Variants in RNF207 observed in about 807,000 individuals in gnomAD.
RNF207 encodes OTTHUMG00000001089.
A neutral mutation model predicts 79.0 loss-of-function variants in RNF207; 72 were observed. That is an observed-to-expected ratio of 0.91 (90% confidence interval 0.75 to 1.11). The LOEUF (loss-of-function observed/expected upper bound fraction) is 1.11, where lower values mean the gene tolerates loss of function less well. Ranked by LOEUF, RNF207 falls within the 50% of genes least tolerant of loss-of-function variation. RNF207 has a pLI of 0.00. For missense variants in RNF207, 936 were observed against 855.8 expected, an observed-to-expected ratio of 1.09 and a Z score of -1.17; for synonymous variants, 348 against 366.2, an observed-to-expected ratio of 0.95 and a Z score of 0.57.
chr1:6,219,708 G>A lies in RNF207; in HGVS notation c.*301G>A, dbSNP rs1557596581. The A allele has an allele frequency of 5.8e-6, 1 of 171,730 alleles. No homozygotes were observed. Among genetic ancestry groups the A allele is most frequent in the Non-Finnish European group, 1.2e-5 (1 of 80,544 alleles). 10.6% of individuals were successfully genotyped at this position (171,730 alleles called of 1,614,324 possible). ...GGGGTTTCACCATGTTGGCCAGGCT[G>A]GTCTCAAACGCCAGACCTCAGGTGA... On this transcript the variant is annotated 3_prime_UTR_variant, in exon 18 of 18. Transcript: ENST00000377939.
chr1:6,211,090 G>A lies in RNF207; in HGVS notation c.1081G>A (p.Val361Met). ...EPLLLLGPRR[V>M]AAAASGANTL... ...ACTGCTGCTGCTGGGGCCACGTCGGGTGGCAGCTGCTGCAAGTGGTGCTAA... is the reference window on the plus strand; with the variant it reads ...ACTGCTGCTGCTGGGGCCACGTCGGATGGCAGCTGCTGCAAGTGGTGCTAA... Residue 361 changes from valine (V) to methionine (M), a missense_variant, in exon 12 of 18, where the codon GTG becomes ATG. Transcript: ENST00000377939. This position sits in a 1 kb window ranked among gnomAD's most constrained non-coding sequence, Gnocchi z 4.2. The A allele has an allele frequency of 6.2e-7, 1 of 1,601,920 alleles. No homozygotes were observed.
Position 6,206,304 on chromosome 1 carries a change from T to G in RNF207, c.-1+2T>G, listed in dbSNP as rs1667894940. The G allele has an allele frequency of 2.2e-6, 1 of 464,278 alleles. No homozygotes were observed. The allele number at this position is 464,278 out of a possible 1,614,324, so 28.8% of individuals were successfully genotyped here. On this transcript the variant is annotated splice_donor_variant, in intron 1 of 17. Coordinates refer to ENST00000377939, the MANE Select transcript of RNF207 (RefSeq NM_207396.3). LOFTEE classifies it low-confidence loss of function (5UTR_SPLICE). The stretch of plus-strand genomic sequence containing the variant: ...GCTCCCAGCAAAGCGGCCCAGCGGG[T>G]AGGTACAAGGCCCCGCCCCTCGCCA...
At chr1:6,209,774 C>T (rs1387108960) in intron 7 of RNF207, 150 bp from the exon 8 acceptor site, 14 of 968,550 alleles carry the variant, frequency 1.4e-5, no homozygotes, top group Non-Finnish European at 1.8e-5. Context: ...GGTGACGGGA[C>T]CCAAGCCCTC....
chr1:6,212,470 C>T, intron 14 of RNF207, 54 bp downstream of exon 14: 3 of 1,514,672 alleles, frequency 2.0e-6, no homozygotes, highest in African/African-American at 1.4e-5. Context: ...GATACCTGGG[C>T]TACCCTAAGA....
At chr1:6,219,144 C>A in intron 17 of RNF207, 92 bp from the exon 18 acceptor site, 1 of 1,170,036 alleles carries the variant, frequency 8.5e-7, no homozygotes, top group South Asian at 1.8e-5. Context: ...GGAAGACGTT[C>A]CATTCTGAGT....
chr1:6,219,164 C>T (rs893085646), intron 17 of RNF207, 72 bp from the exon 18 acceptor site: 50 of 1,414,828 alleles, frequency 3.5e-5, no homozygotes, highest in Non-Finnish European at 4.8e-5. Flanking sequence ...TGCTTTGGCC[C>T]AAGTGGATTT....
In RNF207 at chr1:6,207,232, C is replaced by G. The variant is rs1252170734; in HGVS notation, c.192-147C>G. 2 of 773,128 alleles carry G rather than the reference C, an allele frequency of 2.6e-6. No individual in the cohort carries two copies. The highest frequency in any genetic ancestry group is 3.9e-6 in the Non-Finnish European group (2 of 509,522). The allele number at this position is 773,128 out of a possible 1,614,324, so 47.9% of individuals were successfully genotyped here. A position where few individuals can be genotyped will look rare whatever the true frequency, so the allele number is the denominator to read the frequency against. On this transcript the variant is annotated intron_variant, in intron 2 of 17. Coordinates refer to ENST00000377939, the MANE Select transcript of RNF207 (RefSeq NM_207396.3). This position sits in a 1 kb window ranked among gnomAD's most constrained non-coding sequence, Gnocchi z 4.5. Reference sequence around the variant, plus strand: ...GGGACCAGGGCAGGGTGAGTGCTGGCTGTGATATTTATAGCAGACCCCAGA... The same window carrying G: ...GGGACCAGGGCAGGGTGAGTGCTGGGTGTGATATTTATAGCAGACCCCAGA...
chr1:6,207,662 C>A lies in RNF207; in HGVS notation c.324+151C>A. 1 of 856,020 alleles carries A rather than the reference C, an allele frequency of 1.2e-6. No individual in the cohort carries two copies. Among genetic ancestry groups the A allele is most frequent in the Non-Finnish European group, 1.9e-6 (1 of 525,300 alleles). The allele number at this position is 856,020 out of a possible 1,614,324, so 53.0% of individuals were successfully genotyped here. A position where few individuals can be genotyped will look rare whatever the true frequency, so the allele number is the denominator to read the frequency against. On this transcript the variant is annotated intron_variant, in intron 3 of 17. Coordinates refer to ENST00000377939, the MANE Select transcript of RNF207 (RefSeq NM_207396.3). This position sits in a 1 kb window ranked among gnomAD's most constrained non-coding sequence, Gnocchi z 4.5. ...AGGGCACCTTGGCCCCAAATGTGAA[C>A]CCCATTATACCGGTGGGGAGACTGA... is the stretch of plus-strand genomic sequence containing the variant.
rs977623114 is a variant in RNF207, at chr1:6,211,521, C to T, written c.1110-346C>T. 6.6e-6 allele frequency among the ~76,000 whole-genome samples: 1 copy of T among 152,136 alleles called. No individual in the cohort carries two copies. The highest frequency in any genetic ancestry group is 1.5e-5 in the Non-Finnish European group (1 of 68,014). On this transcript the variant is annotated intron_variant, in intron 12 of 17. Transcript: ENST00000377939. The surrounding 1 kb of genome is among the most constrained non-coding windows in gnomAD (Gnocchi z 4.2). Reference sequence around the variant, plus strand: ...GGAGTTAGAAGAGATGCTGAAATGGCATGTGTGTGTCCAGGGGCCCCAAGA... The same window carrying T: ...GGAGTTAGAAGAGATGCTGAAATGGTATGTGTGTGTCCAGGGGCCCCAAGA...
chr1:6,219,506 T>G lies in RNF207; in HGVS notation c.*99T>G. Reference sequence around the variant, plus strand: ...CCATGATGGTTTTTTTTATTTTTTATTTTTGAGATGGAGTTTCGCTCTGTT... The same window carrying G: ...CCATGATGGTTTTTTTTATTTTTTAGTTTTGAGATGGAGTTTCGCTCTGTT... On this transcript the variant is annotated 3_prime_UTR_variant, in exon 18 of 18. Coordinates refer to ENST00000377939, the MANE Select transcript of RNF207 (RefSeq NM_207396.3). The G allele has an allele frequency of 1.1e-6, 1 of 921,862 alleles. No homozygotes were observed. Among genetic ancestry groups the G allele is most frequent in the Non-Finnish European group, 1.6e-6 (1 of 635,254 alleles). The allele number at this position is 921,862 out of a possible 1,614,324, so 57.1% of individuals were successfully genotyped here.
intron 16 of RNF207, among the ~76,000 whole-genome samples, chr1:6,215,918 G>A (rs764908824): frequency 2.0e-5 from 3 of 152,234 alleles, no homozygotes; most frequent in Non-Finnish European, 4.4e-5. Flanking sequence ...AGTGGGGCAG[G>A]GCTGGAGCCA....
At chr1:6,208,577 GA>G in intron 3 of RNF207, 1 of 377,220 alleles carries the variant, frequency 2.7e-6, no homozygotes, top group African/African-American at 2.2e-5. Context: ...AAATTGTTGG[GA>G]TTACAGGCGT....
In RNF207 at chr1:6,211,106, G is replaced by A; in HGVS notation, c.1097G>A (p.Ser366Asn). 1 of 1,595,816 alleles carries A rather than the reference G, an allele frequency of 6.3e-7. No individual in the cohort carries two copies. Among genetic ancestry groups the A allele is most frequent in the Non-Finnish European group, 8.5e-7 (1 of 1,176,194 alleles). ...LGPRRVAAAA[S>N]GANTLAGGLG... is the part of the protein sequence containing the mutation. ...CCACGTCGGGTGGCAGCTGCTGCAAGTGGTGCTAACACGTGAGCAGCAACC... is the reference window on the plus strand; with the variant it reads ...CCACGTCGGGTGGCAGCTGCTGCAAATGGTGCTAACACGTGAGCAGCAACC... Residue 366 changes from serine to asparagine, a missense_variant, in exon 12 of 18, where the codon AGT becomes AAT. By Grantham distance (46) the Ser-to-Asn change is conservative (BLOSUM62 1). Coordinates refer to ENST00000377939, the MANE Select transcript of RNF207 (RefSeq NM_207396.3). This position sits in a 1 kb window ranked among gnomAD's most constrained non-coding sequence, Gnocchi z 4.2.
rs201345020 is a variant in RNF207 at position 6,212,664 on chromosome 1, C to T, written c.1483-18C>T. The T allele has an allele frequency of 1.7e-4, 272 of 1,610,934 alleles. 1 individual carries two copies. Among genetic ancestry groups the T allele is most frequent in the Non-Finnish European group, 2.1e-4 (243 of 1,177,166 alleles). On this transcript the variant is annotated intron_variant, in intron 14 of 17. Coordinates refer to ENST00000377939, the MANE Select transcript of RNF207 (RefSeq NM_207396.3). ...TTCAGCTCACTGCCACATCCAATGT[C>T]CAGCTTTTCTCTTTCAGATTTGGGA...
Position 6,214,630 on chromosome 1 carries a change from C to CTTTTTTTTTTT in RNF207, c.1652+1460_1652+1470dup, listed in dbSNP as rs144139448. ...GTTGGCCAGGCTGGAATATTTCTTT[C>CTTTTTTTTTTT]TTTTTTTTTTTTTTTTTTTTTTTGA... On this transcript the variant is annotated intron_variant, in intron 16 of 17. Transcript: ENST00000377939. Among the ~76,000 whole-genome samples, 332 of 70,646 alleles carry CTTTTTTTTTTT rather than the reference C, an allele frequency of 4.7e-3. 35 individuals are homozygous for CTTTTTTTTTTT. Among genetic ancestry groups the CTTTTTTTTTTT allele is most frequent in the African/African-American group, 0.021 (311 of 14,640 alleles). The allele number at this position is 70,646 out of a possible 152,430, so 46.3% of individuals were successfully genotyped here. A position where few individuals can be genotyped will look rare whatever the true frequency, so the allele number is the denominator to read the frequency against.
chr1:6,210,051 C>A, intron 8 of RNF207, 81 bp downstream of exon 8: 1 of 1,445,978 alleles, frequency 6.9e-7, no homozygotes, highest in Non-Finnish European at 9.5e-7. Context: ...AGGCCCTGCC[C>A]CACCCTGAGG....
intron 13 of RNF207, 59 bp from the exon 14 acceptor site, chr1:6,212,172 T>A: frequency 6.4e-7 from 1 of 1,560,938 alleles, no homozygotes; most frequent in African/African-American, 1.4e-5. Context: ...CTCCACCAAG[T>A]CCATGGCAGT....
chr1:6,213,316 T>A, intron 16 of RNF207, 133 bp downstream of exon 16: 1 of 561,692 alleles, frequency 1.8e-6, no homozygotes. Flanking sequence ...AGGTCAGCAG[T>A]TCGAGACCAG....
chr1:6,218,310 G>C lies in RNF207; in HGVS notation c.1674G>C (p.Glu558Asp). The change falls in exon 17 of 18, where the codon GAG becomes GAC. Residue 558 changes from glutamate (E) to aspartate (D), a missense_variant. By Grantham distance (45) the Glu-to-Asp change is conservative. Coordinates refer to ENST00000377939, the MANE Select transcript of RNF207 (RefSeq NM_207396.3). ...LEPRFQAPVD[E>D]QSESLQNTHD... The stretch of plus-strand genomic sequence containing the variant: ...CCAGGTTTCAGGCACCCGTGGATGA[G>C]CAGTCAGAGAGTCTACAGAACACGC... The C allele has an allele frequency of 2.5e-6, 4 of 1,614,036 alleles. No homozygotes were observed. Among genetic ancestry groups the C allele is most frequent in the Non-Finnish European group, 2.5e-6 (3 of 1,179,880 alleles).
Sources: gnomAD v4.1 joint callset for allele counts (sites outside exome capture counted in the v4.1 genomes callset) on GRCh38, gnomAD v4.1.1 for gene constraint, Gnocchi (gnomAD v3.1) non-coding constraint, MANE v1.5 for transcripts, NCBI Gene and HGNC (gene_info 2026-07-23, HGNC 2026-07-21) for gene names.